Variants in MARK3 observed in about 807,000 individuals in gnomAD.
MARK3 encodes the protein microtubule affinity regulating kinase 3, also known as MAP/microtubule affinity-regulating kinase 3.
Under a neutral mutation model 90.1 loss-of-function variants are expected in MARK3, and 46 were observed. That is an observed-to-expected ratio of 0.51 (90% CI 0.40 to 0.65). MARK3 has a LOEUF of 0.65. Ranked by LOEUF, MARK3 falls within the 30% of genes least tolerant of loss-of-function variation. The pLI, the probability that MARK3 is intolerant of heterozygous loss-of-function variation, is 0.00. For synonymous variants in MARK3, 321 were observed against 332.6 expected, an observed-to-expected ratio of 0.97 and a Z score of 0.38; for missense variants, 818 against 947.2, an observed-to-expected ratio of 0.86 and a Z score of 1.79.
At chr14:103,457,032 T>C (rs920984812) in intron 5 of MARK3, 110 bp from the exon 6 acceptor site, 5 of 618,614 alleles carry the variant, frequency 8.1e-6, no homozygotes, top group East Asian at 2.8e-5. Context: ...TGGCTAACTT[T>C]ATATCTATAT....
intron 5 of MARK3, among the ~76,000 whole-genome samples, chr14:103,452,503 G>A (rs1376903772): frequency 5.3e-5 from 4 of 74,938 alleles, no homozygotes; most frequent in South Asian, 6.5e-4. Flanking sequence ...ACGGAGTCTC[G>A]CTCTGTCGCC....
At chr14:103,490,553 G>A (rs1345419944) in intron 14 of MARK3, 1 of 152,032 alleles carries the variant, frequency 6.6e-6, no homozygotes, top group Non-Finnish European at 1.5e-5. Flanking sequence ...AATAAAATAT[G>A]TCAGTGTGTT....
chr14:103,463,860 C>A (rs1320904459), intron 7 of MARK3, among the ~76,000 whole-genome samples: 2 of 152,184 alleles, frequency 1.3e-5, no homozygotes, highest in South Asian at 2.1e-4. Context: ...AAGTACAATC[C>A]TTTGTGATTA....
At chr14:103,424,053 C>A (rs948316025) in intron 2 of MARK3, among the ~76,000 whole-genome samples, 9 of 151,910 alleles carry the variant, frequency 5.9e-5, no homozygotes, top group Admixed American at 2.0e-4. Context: ...TAAAAAAATA[C>A]AAAAATTAGC....
intron 1 of MARK3, among the ~76,000 whole-genome samples, chr14:103,399,647 C>T (rs896287985): frequency 2.1e-5 from 3 of 144,320 alleles, no homozygotes; most frequent in Non-Finnish European, 4.5e-5. Flanking sequence ...TGCAGTGAAT[C>T]GAGATGGCGC....
chr14:103,453,743 C>T (rs1227130454), intron 5 of MARK3, among the ~76,000 whole-genome samples: 4 of 152,194 alleles, frequency 2.6e-5, no homozygotes, highest in South Asian at 2.1e-4. Flanking sequence ...ATAGCCCTCA[C>T]GTTGTACAGC....
At chr14:103,454,126 T>A (rs1357119095) in intron 5 of MARK3, among the ~76,000 whole-genome samples, 1 of 152,136 alleles carries the variant, frequency 6.6e-6, no homozygotes, top group Non-Finnish European at 1.5e-5. Context: ...ACCTGGCAAG[T>A]AACATGTGCT....
chr14:103,436,635 C>T (rs905459628), intron 3 of MARK3, among the ~76,000 whole-genome samples: 3 of 152,082 alleles, frequency 2.0e-5, no homozygotes, highest in Non-Finnish European at 2.9e-5. Context: ...TTGATTGAGG[C>T]TGGGTCTTAC....
chr14:103,426,241 T>C (rs2092397977), intron 2 of MARK3, among the ~76,000 whole-genome samples: 1 of 150,850 alleles, frequency 6.6e-6, no homozygotes, highest in African/African-American at 2.4e-5. Flanking sequence ...AATGTGCTTA[T>C]TGTTATTTTG....
rs2093689118 is a variant in MARK3, at chr14:103,474,884, T to G, written c.1265-109T>G. ...TCTTAGAGGATTTTACTGTTTTACA[T>G]TTTTTAGGTGAATAGCAACCTTAGA... On this transcript the variant is annotated intron_variant, in intron 12 of 17. Transcript: ENST00000429436. 3.8e-6 allele frequency: 3 copies of G among 799,848 alleles called. No individual in the cohort carries two copies. In the South Asian group the frequency reaches 5.4e-5, roughly 14 times the overall value. 49.5% of individuals were successfully genotyped at this position (799,848 alleles called of 1,614,324 possible). A position where few individuals can be genotyped will look rare whatever the true frequency, so the allele number is the denominator to read the frequency against.
chr14:103,461,965 C>T (rs1016527884), intron 6 of MARK3, among the ~76,000 whole-genome samples: 3 of 149,632 alleles, frequency 2.0e-5, no homozygotes, highest in Admixed American at 6.7e-5. Flanking sequence ...GAACCTGGGA[C>T]GGGGAGGTTG....
intron 1 of MARK3, among the ~76,000 whole-genome samples, chr14:103,399,787 G>C (rs1268748326): frequency 6.6e-6 from 1 of 151,710 alleles, no homozygotes; most frequent in African/African-American, 2.4e-5. Flanking sequence ...TAATATTGGA[G>C]TTGGTGGTAT....
At chr14:103,464,939 G>A (rs2093474942) in intron 7 of MARK3, among the ~76,000 whole-genome samples, 1 of 151,642 alleles carries the variant, frequency 6.6e-6, no homozygotes, top group Non-Finnish European at 1.5e-5. Context: ...GCTCAAGTGA[G>A]CCACTGTACC....
At chr14:103,392,995 T>C (rs1306988614) in intron 1 of MARK3, among the ~76,000 whole-genome samples, 7 of 151,844 alleles carry the variant, frequency 4.6e-5, no homozygotes, top group Non-Finnish European at 1.5e-5. Context: ...TTTTATTTTA[T>C]TTTTTGAGAC....
chr14:103,436,936 C>G (rs1056673346), intron 3 of MARK3, among the ~76,000 whole-genome samples: 1 of 151,968 alleles, frequency 6.6e-6, no homozygotes, highest in Non-Finnish European at 1.5e-5. Context: ...ACTAAAAATA[C>G]AAAAAAATTA....
chr14:103,428,309 A>C (rs2092474977), intron 2 of MARK3, 78 bp from the exon 3 acceptor site: 1 of 708,010 alleles, frequency 1.4e-6, no homozygotes, highest in African/African-American at 1.9e-5. Flanking sequence ...CTTGCTTCTT[A>C]ATGCCATATA....
In MARK3 at chr14:103,457,031, TTATATC is replaced by T. The variant is rs1227427474; in HGVS notation, c.413-105_413-100del. On this transcript the variant is annotated intron_variant, in intron 5 of 17. Coordinates refer to ENST00000429436, the MANE Select transcript of MARK3 (RefSeq NM_001128918.3). ...AAATTCCACATATTTCTGGCTAACT[TTATATC>T]TATATTTAAAAATTAGAGCATTGCT... 4.7e-4 allele frequency: 291 copies of T among 616,210 alleles called. 1 individual carries two copies. The highest frequency in any genetic ancestry group is 2.5e-3 in the East Asian group (88 of 35,180). The allele number at this position is 616,210 out of a possible 1,614,324, so 38.2% of individuals were successfully genotyped here. A position where few individuals can be genotyped will look rare whatever the true frequency, so the allele number is the denominator to read the frequency against.
At chr14:103,395,492 TTCTG>T (rs2090523560) in intron 1 of MARK3, among the ~76,000 whole-genome samples, 1 of 152,256 alleles carries the variant, frequency 6.6e-6, no homozygotes, top group East Asian at 1.9e-4. Context: ...TGGCCTTGTG[TTCTG>T]TCTGTCTGTT....
chr14:103,486,696 A>G (rs1333949798), intron 14 of MARK3, among the ~76,000 whole-genome samples: 1 of 152,088 alleles, frequency 6.6e-6, no homozygotes, highest in East Asian at 1.9e-4. Flanking sequence ...TGCCTGTTGT[A>G]AATAGGATTT....
Sources: gnomAD v4.1 joint callset for allele counts (sites outside exome capture counted in the v4.1 genomes callset) on GRCh38, gnomAD v4.1.1 for gene constraint, MANE v1.5 for transcripts, NCBI Gene and HGNC (gene_info 2026-07-23, HGNC 2026-07-21) for gene names.